REV3L: variants seen among roughly 807,000 people sequenced by gnomAD.
REV3L encodes the protein DNA polymerase zeta catalytic subunit.
A neutral mutation model predicts 299.4 loss-of-function variants in REV3L; 69 were observed. The observed-to-expected ratio is 0.23, with a 90% confidence interval of 0.19 to 0.28. REV3L has a LOEUF of 0.28. Ranked by LOEUF, REV3L falls within the 10% of genes least tolerant of loss-of-function variation. The probability of loss-of-function intolerance (pLI) is 1.00; values close to 1 mark genes in which losing one functional copy is unlikely to be tolerated. For synonymous variants in REV3L, 1,238 were observed against 1,271.4 expected, an observed-to-expected ratio of 0.97 and a Z score of 0.56; for missense variants, 3,128 against 3,693.8, an observed-to-expected ratio of 0.85 and a Z score of 3.97.
At position 111,373,942 on chromosome 6, in the gene REV3L, T is replaced by A; in HGVS notation, c.4413A>T (p.Ala1471=). The change falls in exon 13 of 32, where the codon GCA becomes GCT. Residue 1471 remains alanine (A), a synonymous_variant. Coordinates refer to ENST00000368802, the MANE Select transcript of REV3L (RefSeq NM_001372078.1). ...TSLRSPIKQI[A]WEQKQRGFIL... The stretch of plus-strand genomic sequence containing the variant: ...TAAAGCCCCTTTGCTTTTGCTCCCA[T>A]GCTATTTGTTTGATTGGACTTCTCA... The A allele has an allele frequency of 6.2e-7, 1 of 1,614,146 alleles. No homozygotes were observed. The highest frequency in any genetic ancestry group is 8.5e-7 in the Non-Finnish European group (1 of 1,179,986).
At chr6:111,417,361 A>G (rs1392569621) in intron 1 of REV3L, among the ~76,000 whole-genome samples, 2 of 152,214 alleles carry the variant, frequency 1.3e-5, no homozygotes, top group Admixed American at 6.5e-5. Flanking sequence ...GCAGGGCTGT[A>G]TGGAAGTGGT....
At chr6:111,306,255 A>T (rs923002956) in intron 31 of REV3L, among the ~76,000 whole-genome samples, 2 of 152,058 alleles carry the variant, frequency 1.3e-5, no homozygotes, top group African/African-American at 4.8e-5. Context: ...GTGGGGTGGG[A>T]TAGGTAGAGG....
intron 4 of REV3L, among the ~76,000 whole-genome samples, chr6:111,394,954 A>T (rs1230506070): frequency 6.6e-6 from 1 of 151,796 alleles, no homozygotes; most frequent in East Asian, 1.9e-4. Context: ...AGCCTCCCAA[A>T]CTGTTGAGAT....
chr6:111,370,250 T>A (rs554258347), intron 13 of REV3L, among the ~76,000 whole-genome samples: 1 of 152,352 alleles, frequency 6.6e-6, no homozygotes, highest in South Asian at 2.1e-4. Flanking sequence ...ACATAAAGTT[T>A]GGTAACTAAA....
chr6:111,469,002 A>T (rs11961338), intron 1 of REV3L, among the ~76,000 whole-genome samples: 107 of 152,156 alleles, frequency 7.0e-4, no homozygotes, highest in African/African-American at 2.5e-3. Flanking sequence ...CTCTACTAAA[A>T]ATACAAAAAA....
At chr6:111,304,475 T>TTA (rs978377526) in intron 31 of REV3L, among the ~76,000 whole-genome samples, 1 of 152,090 alleles carries the variant, frequency 6.6e-6, no homozygotes, top group Non-Finnish European at 1.5e-5. Context: ...ACATCTCTAG[T>TTA]AATTTCTGCT....
chr6:111,373,483 A>C lies in REV3L; in HGVS notation c.4872T>G (p.Phe1624Leu). Residue 1624 changes from phenylalanine (F) to leucine (L), a missense_variant, in exon 13 of 32, where the codon TTT becomes TTG. This residue lies in a region of REV3L where 2,409 missense variants were observed against 2,611.8 expected (regional missense o/e 0.92). Transcript: ENST00000368802. ...NSVSDDSPIF[F>L]SDPGFESCYS... Reference sequence around the variant, plus strand: ...AACAACTTTCAAAGCCTGGATCTGAAAAAAAGATGGGACTATCATCTGATA... The same window carrying C: ...AACAACTTTCAAAGCCTGGATCTGACAAAAAGATGGGACTATCATCTGATA... 5 of 1,613,398 alleles carry C rather than the reference A, an allele frequency of 3.1e-6. No individual in the cohort carries two copies. The highest frequency in any genetic ancestry group is 4.2e-6 in the Non-Finnish European group (5 of 1,179,828).
chr6:111,378,232 A>G (rs1780503324), intron 11 of REV3L, among the ~76,000 whole-genome samples: 1 of 152,190 alleles, frequency 6.6e-6, no homozygotes, highest in African/African-American at 2.4e-5. Flanking sequence ...AATAGGAAGT[A>G]GTAAAGGTGT....
intron 21 of REV3L, among the ~76,000 whole-genome samples, chr6:111,341,582 C>T (rs1776487908): frequency 6.6e-6 from 1 of 152,166 alleles, no homozygotes; most frequent in African/African-American, 2.4e-5. Flanking sequence ...AAAAATTAGA[C>T]ACATTAATTT....
chr6:111,429,881 G>A (rs2128297712), intron 1 of REV3L, among the ~76,000 whole-genome samples: 1 of 152,260 alleles, frequency 6.6e-6, no homozygotes, highest in Middle Eastern at 3.4e-3. Context: ...GGAGTATGTA[G>A]AGAAGCCCTT....
rs777359186 is a variant in REV3L at position 111,376,685 on chromosome 6, G to A, written c.1670C>T (p.Pro557Leu). ...AGCAGCATCTTTGTGAAAGATGGAG[G>A]GTTTAACTGAAAGCTTGCTTGTTGC... ...VIATSKLSVK[P>L]SIFHKDAATL... The change falls in exon 13 of 32, where the codon CCC becomes CTC. Residue 557 changes from proline to leucine, a missense_variant. By Grantham distance (98) the Pro-to-Leu change is moderately conservative (BLOSUM62 -3). Transcript: ENST00000368802. The A allele has an allele frequency of 1.2e-6, 2 of 1,608,496 alleles. No homozygotes were observed. Among genetic ancestry groups the A allele is most frequent in the Non-Finnish European group, 1.7e-6 (2 of 1,179,402 alleles).
rs373019591 is a variant in REV3L, at chr6:111,299,287, G to A, written c.*729C>T. 23 of 152,610 alleles carry A rather than the reference G, an allele frequency of 1.5e-4. No individual in the cohort carries two copies. The South Asian group carries it at 4.4e-3, about 29-fold the overall frequency. The allele number at this position is 152,610 out of a possible 1,614,324, so 9.5% of individuals were successfully genotyped here. On this transcript the variant is annotated 3_prime_UTR_variant, in exon 32 of 32. Coordinates refer to ENST00000368802, the MANE Select transcript of REV3L (RefSeq NM_001372078.1). ...AATGTCTATACAAAACAAGCAAATG[G>A]AATAAAATTTTTTATTTTTAAAGTA...
At chr6:111,455,264 G>A (rs1406433167) in intron 1 of REV3L, among the ~76,000 whole-genome samples, 3 of 152,042 alleles carry the variant, frequency 2.0e-5, no homozygotes, top group Non-Finnish European at 2.9e-5. Context: ...TCCATCCAGA[G>A]GAATGGCATT....
intron 1 of REV3L, among the ~76,000 whole-genome samples, chr6:111,467,494 T>C (rs1260145273): frequency 1.3e-5 from 2 of 152,208 alleles, no homozygotes; most frequent in African/African-American, 2.4e-5. Flanking sequence ...GCTGAACAGA[T>C]TGAAAATTAT....
At chr6:111,381,083 G>A (rs747963346) in intron 10 of REV3L, among the ~76,000 whole-genome samples, 7 of 152,024 alleles carry the variant, frequency 4.6e-5, no homozygotes, top group African/African-American at 1.4e-4. Flanking sequence ...TAAGTAATAC[G>A]GTTTTCCGTG....
intron 1 of REV3L, chr6:111,430,216 T>A (rs1191409401): frequency 2.4e-6 from 2 of 824,766 alleles, no homozygotes; most frequent in Admixed American, 1.7e-5. Context: ...CAAGAAGAAG[T>A]AGAACAGATA....
intron 15 of REV3L, among the ~76,000 whole-genome samples, 183 bp from the exon 16 acceptor site, chr6:111,364,161 A>G (rs1336017922): frequency 3.3e-5 from 5 of 152,218 alleles, no homozygotes; most frequent in Non-Finnish European, 5.9e-5. Context: ...TAACAAAGAT[A>G]TCAGAACTGG....
At position 111,404,595 on chromosome 6, in the gene REV3L, G is replaced by A. The variant is rs1486185442; in HGVS notation, c.565+875C>T. 3.3e-5 allele frequency among the ~76,000 whole-genome samples: 5 copies of A among 152,318 alleles called. No individual in the cohort carries two copies. The East Asian group carries it at 9.6e-4, about 29-fold the overall frequency. On this transcript the variant is annotated intron_variant, in intron 4 of 31. Coordinates refer to ENST00000368802, the MANE Select transcript of REV3L (RefSeq NM_001372078.1). Reference sequence around the variant, plus strand: ...CTTCCAGAAAGGATTCACCATTCAAGATGCTCTAGGCTGCTCTGGTCTGTA... The same window carrying A: ...CTTCCAGAAAGGATTCACCATTCAAAATGCTCTAGGCTGCTCTGGTCTGTA...
rs151212499 is a variant in REV3L at position 111,369,141 on chromosome 6, T to C, written c.5760-1113A>G. Among the ~76,000 whole-genome samples, 7 of 151,938 alleles carry C rather than the reference T, an allele frequency of 4.6e-5. No homozygotes were observed. The East Asian group carries it at 1.4e-3, about 29-fold the overall frequency. On this transcript the variant is annotated intron_variant, in intron 13 of 31. Transcript: ENST00000368802. Reference sequence around the variant, plus strand: ...TCTAATACTAAGGATAGAGAAGTCATAATGAGGTCAAGAATAAAAAATGGT... The same window carrying C: ...TCTAATACTAAGGATAGAGAAGTCACAATGAGGTCAAGAATAAAAAATGGT...
Sources: allele counts gnomAD v4.1 joint callset (sites outside exome capture counted in the v4.1 genomes callset), GRCh38; gene constraint gnomAD v4.1.1; regional missense constraint gnomAD v4.1.1; transcripts MANE v1.5; gene names NCBI Gene and HGNC (gene_info 2026-07-23, HGNC 2026-07-21).